STXBP6: variants seen among roughly 807,000 people sequenced by gnomAD.
STXBP6 encodes syntaxin-binding protein 6.
Under a neutral mutation model 26.9 loss-of-function variants are expected in STXBP6, and 21 were observed. That is an observed-to-expected ratio of 0.78 (90% CI 0.55 to 1.12). The LOEUF (loss-of-function observed/expected upper bound fraction) is 1.12. Ranked by LOEUF, STXBP6 falls within the 50% of genes most tolerant of loss-of-function variation. STXBP6 has a pLI of 0.00. For missense variants in STXBP6, 232 were observed against 257.9 expected (o/e 0.90, Z 0.69); for synonymous variants, 97 against 92.6 (o/e 1.05, Z -0.27).
At chr14:25,009,020 G>T (rs192719803) in intron 1 of STXBP6, among the ~76,000 whole-genome samples, 219 of 152,204 alleles carry the variant, frequency 1.4e-3, no homozygotes, top group African/African-American at 5.2e-3. Flanking sequence ...GAGAGACATG[G>T]AGAATTCTGA....
At chr14:24,997,630 AG>A in intron 1 of STXBP6, among the ~76,000 whole-genome samples, 1 of 152,376 alleles carries the variant, frequency 6.6e-6, no homozygotes, top group Admixed American at 6.5e-5. Flanking sequence ...GCACTGAATA[AG>A]TATTTTAAAA....
intron 2 of STXBP6, among the ~76,000 whole-genome samples, chr14:24,955,156 G>C (rs2073299373): frequency 6.6e-6 from 1 of 152,156 alleles, no homozygotes. Context: ...TTGGTCTATA[G>C]AAATTATGTT....
chr14:24,866,377 C>A (rs2069722247), intron 2 of STXBP6, among the ~76,000 whole-genome samples: 1 of 151,888 alleles, frequency 6.6e-6, no homozygotes, highest in African/African-American at 2.4e-5. Flanking sequence ...TATATATGTG[C>A]ATGGTGTATA....
At chr14:24,890,635 G>A (rs576098347) in intron 2 of STXBP6, among the ~76,000 whole-genome samples, 98 of 152,294 alleles carry the variant, frequency 6.4e-4, no homozygotes, top group African/African-American at 2.3e-3. Context: ...GAGAGGAAGG[G>A]AAAAATGTCC....
At chr14:24,864,608 A>G (rs535301966) in intron 2 of STXBP6, among the ~76,000 whole-genome samples, 3 of 152,208 alleles carry the variant, frequency 2.0e-5, no homozygotes, top group African/African-American at 7.2e-5. Context: ...TTAATGTGAG[A>G]AGGCCATTCC....
intron 2 of STXBP6, among the ~76,000 whole-genome samples, chr14:24,868,022 C>G (rs2069786195): frequency 6.6e-6 from 1 of 152,090 alleles, no homozygotes; most frequent in African/African-American, 2.4e-5. Context: ...CATGGTGAAA[C>G]CCTGTCTCTA....
At chr14:25,000,055 C>T (rs893181083) in intron 1 of STXBP6, among the ~76,000 whole-genome samples, 1 of 151,924 alleles carries the variant, frequency 6.6e-6, no homozygotes, top group Admixed American at 6.6e-5. Context: ...TTGTAGGACA[C>T]GCTTCAAATA....
chr14:24,916,254 C>T (rs1033432670), intron 2 of STXBP6, among the ~76,000 whole-genome samples: 2 of 152,032 alleles, frequency 1.3e-5, no homozygotes, highest in Non-Finnish European at 2.9e-5. Context: ...CTAAGATTGA[C>T]CAGGTAGAGA....
chr14:24,875,657 T>C (rs1019763759), intron 2 of STXBP6, among the ~76,000 whole-genome samples: 3 of 152,242 alleles, frequency 2.0e-5, no homozygotes, highest in African/African-American at 4.8e-5. Context: ...GAGACATTTA[T>C]GTAAATTTTC....
In STXBP6 at chr14:24,809,956, G is replaced by A. The variant is rs929837719; in HGVS notation, c.*2753C>T. Reference sequence around the variant, plus strand: ...TTTCACTGTAACTTAAGTCTAACACGTAATCTGAACTTCTTCAGAGCTTGA... The same window carrying A: ...TTTCACTGTAACTTAAGTCTAACACATAATCTGAACTTCTTCAGAGCTTGA... On this transcript the variant is annotated 3_prime_UTR_variant, in exon 6 of 6. Transcript: ENST00000323944. 7.2e-5 allele frequency: 11 copies of A among 151,832 alleles called. No individual in the cohort carries two copies. The highest frequency in any genetic ancestry group is 3.3e-4 in the Admixed American group (5 of 15,234). 9.4% of individuals were successfully genotyped at this position (151,832 alleles called of 1,614,324 possible).
At chr14:24,922,208 T>C (rs2072004731) in intron 2 of STXBP6, among the ~76,000 whole-genome samples, 1 of 152,068 alleles carries the variant, frequency 6.6e-6, no homozygotes, top group African/African-American at 2.4e-5. Context: ...GATGAAAAAT[T>C]AGCAAAGAAT....
intron 2 of STXBP6, among the ~76,000 whole-genome samples, chr14:24,920,485 C>T (rs1355689475): frequency 6.6e-6 from 1 of 151,982 alleles, no homozygotes; most frequent in Non-Finnish European, 1.5e-5. Flanking sequence ...TCCTTGCTGG[C>T]GATAGTTTAG....
intron 2 of STXBP6, among the ~76,000 whole-genome samples, chr14:24,894,025 A>G (rs2070885358): frequency 6.6e-6 from 1 of 152,238 alleles, no homozygotes; most frequent in African/African-American, 2.4e-5. Context: ...CATGTGTTAT[A>G]CAGGTTCTAT....
chr14:24,897,449 G>GT (rs1251530739), intron 2 of STXBP6, among the ~76,000 whole-genome samples: 28 of 134,674 alleles, frequency 2.1e-4, no homozygotes, highest in South Asian at 1.5e-3. Context: ...AAAAGAAAAA[G>GT]TTTTTTTTAT....
chr14:24,924,935 T>C (rs1015658541), intron 2 of STXBP6, among the ~76,000 whole-genome samples: 1 of 152,222 alleles, frequency 6.6e-6, no homozygotes, highest in Non-Finnish European at 1.5e-5. Context: ...AGAAATGTCA[T>C]AGCTGAAAAT....
At chr14:24,855,699 A>G (rs898208360) in intron 4 of STXBP6, among the ~76,000 whole-genome samples, 2 of 152,130 alleles carry the variant, frequency 1.3e-5, no homozygotes, top group African/African-American at 2.4e-5. Flanking sequence ...AGTGCAGATA[A>G]GAACTAGAAG....
chr14:24,868,651 CA>C (rs921684755), intron 2 of STXBP6, among the ~76,000 whole-genome samples: 2 of 152,156 alleles, frequency 1.3e-5, no homozygotes, highest in African/African-American at 4.8e-5. Context: ...ATCTGACCTG[CA>C]TTTTAAAAAG....
intron 2 of STXBP6, among the ~76,000 whole-genome samples, chr14:24,943,314 G>C (rs1208361836): frequency 2.0e-5 from 3 of 152,196 alleles, no homozygotes; most frequent in Non-Finnish European, 4.4e-5. Flanking sequence ...CCTGCAGGTG[G>C]CCCATACTTC....
chr14:24,879,853 G>A (rs1419996426), intron 2 of STXBP6, among the ~76,000 whole-genome samples: 1 of 152,118 alleles, frequency 6.6e-6, no homozygotes, highest in Non-Finnish European at 1.5e-5. Context: ...AGCTCCTGAG[G>A]GGCAACAGAT....
Sources: allele counts gnomAD v4.1 joint callset (sites outside exome capture counted in the v4.1 genomes callset), GRCh38; gene constraint gnomAD v4.1.1; transcripts MANE v1.5; gene names NCBI Gene and HGNC (gene_info 2026-07-23, HGNC 2026-07-21).